INPP5K: variants seen among roughly 807,000 people sequenced by gnomAD.
INPP5K encodes the protein inositol polyphosphate 5-phosphatase K.
A neutral mutation model predicts 53.5 loss-of-function variants in INPP5K; 35 were observed. The ratio of observed to expected loss-of-function variants is 0.65; its 90% CI spans 0.50 to 0.87. The LOEUF (loss-of-function observed/expected upper bound fraction) is 0.87. INPP5K is among the 40% of genes least tolerant of loss of function. The pLI, the probability that INPP5K is intolerant of heterozygous loss-of-function variation, is 0.00. For missense variants in INPP5K, 550 were observed against 586.2 expected, an observed-to-expected ratio of 0.94 and a Z score of 0.64; for synonymous variants, 253 against 232.8, an observed-to-expected ratio of 1.09 and a Z score of -0.79.
rs199979856 is a variant in INPP5K at position 1,509,859 on chromosome 17, C to G, written c.262-60G>C. ...ACCACACAGGCCAAGTGCATCCCTTCCAAGCTCCGTGCTAGGGACTCTAGA... is the reference window on the plus strand; with the variant it reads ...ACCACACAGGCCAAGTGCATCCCTTGCAAGCTCCGTGCTAGGGACTCTAGA... On this transcript the variant is annotated intron_variant, in intron 3 of 11. Coordinates refer to ENST00000421807, the MANE Select transcript of INPP5K (RefSeq NM_016532.4). The G allele has an allele frequency of 2.3e-3, 2,279 of 1,009,572 alleles. 2 individuals carry two copies. Among genetic ancestry groups the G allele is most frequent in the Non-Finnish European group, 2.6e-3 (1,691 of 643,192 alleles). 62.5% of individuals were successfully genotyped at this position (1,009,572 alleles called of 1,614,324 possible). A position where few individuals can be genotyped will look rare whatever the true frequency, so the allele number is the denominator to read the frequency against.
In INPP5K at chr17:1,498,078, C is replaced by T; in HGVS notation, c.821G>A (p.Arg274Lys). 6.2e-7 allele frequency: 1 copy of T among 1,613,982 alleles called. No homozygotes were observed. The highest frequency in any genetic ancestry group is 8.5e-7 in the Non-Finnish European group (1 of 1,179,902). The change falls in exon 8 of 12, where the codon AGG (arginine) becomes AAG (lysine). Residue 274 changes from arginine to lysine, a missense_variant. Coordinates refer to ENST00000421807, the MANE Select transcript of INPP5K (RefSeq NM_016532.4). ...KPAWTDRILW[R>K]LKRQPCAGPD... The stretch of plus-strand genomic sequence containing the variant: ...GCCAGCACAGGGCTGCCGCTTCAGC[C>T]TCCACAGGATGCGATCGGTCCATGC...
At chr17:1,512,223 C>G (rs1160672740) in intron 3 of INPP5K, among the ~76,000 whole-genome samples, 1 of 152,182 alleles carries the variant, frequency 6.6e-6, no homozygotes, top group Non-Finnish European at 1.5e-5. Context: ...TTCCTTGGCT[C>G]AATTCCATCC....
chr17:1,516,504 G>A lies in INPP5K; in HGVS notation c.-5C>T, dbSNP rs746825414. 3.2e-6 allele frequency: 5 copies of A among 1,578,444 alleles called. No homozygotes were observed. In the African/African-American group the frequency reaches 5.5e-5, roughly 17 times the overall value. On this transcript the variant is annotated 5_prime_UTR_variant, in exon 1 of 12. Coordinates refer to ENST00000421807, the MANE Select transcript of INPP5K (RefSeq NM_016532.4). Reference sequence around the variant, plus strand: ...GCTCAGCTTCCGCGAGCTCATGGCCGCCGTCGTCCCCGCGCGGTGGTCCGG... The same window carrying A: ...GCTCAGCTTCCGCGAGCTCATGGCCACCGTCGTCCCCGCGCGGTGGTCCGG...
intron 1 of INPP5K, chr17:1,515,433 C>T: frequency 2.0e-6 from 2 of 985,528 alleles, no homozygotes; most frequent in Non-Finnish European, 2.4e-6. Context: ...CTACAGATGT[C>T]TTTAGTGGAA....
chr17:1,506,392 C>T (rs149835826), intron 7 of INPP5K, among the ~76,000 whole-genome samples: 308 of 152,320 alleles, frequency 2.0e-3, no homozygotes, highest in African/African-American at 7.1e-3. Flanking sequence ...TCCTTCAGTC[C>T]TCAGCCTCAT....
rs367903842 is a variant in INPP5K, at chr17:1,496,319, C to G, written c.1185G>C (p.Gln395His). The change falls in exon 10 of 12, where the codon CAG becomes CAC. Residue 395 changes from glutamine to histidine, a missense_variant and splice_region_variant. Physicochemically the swap from Gln to His is conservative, Grantham distance 24. Transcript: ENST00000421807. ...SKVSCSDNLN[Q>H]VYIDISNIPT... is the part of the protein sequence containing the mutation. ...GATGTACCTGGTGCTGGTGACGTAC[C>G]TGGTTCAGGTTGTCGCTGCAGGAGA... 7.7e-6 allele frequency: 12 copies of G among 1,559,642 alleles called. No individual in the cohort carries two copies. The African/African-American group carries it at 1.5e-4, about 19-fold the overall frequency.
rs762121451 is a variant in INPP5K, at chr17:1,496,729, C to A, written c.1038G>T (p.Met346Ile). 31 of 1,614,056 alleles carry A rather than the reference C, an allele frequency of 1.9e-5. No homozygotes were observed. The highest frequency in any genetic ancestry group is 3.4e-6 in the Non-Finnish European group (4 of 1,180,034). Residue 346 changes from methionine (M) to isoleucine (I), a missense_variant, in exon 9 of 12, where the codon ATG becomes ATT. Met to Ile is a conservative substitution (Grantham distance 10). Transcript: ENST00000421807. Reference protein sequence around the residue: ...EDLWTVENDMMVSYSSTSDFP... With the variant: ...EDLWTVENDMIVSYSSTSDFP... ...AGTCCGAGGTTGAAGAGTAGCTGAC[C>A]ATCATGTCATTTTCCACGGTCCACA...
intron 1 of INPP5K, chr17:1,516,003 C>A: frequency 1.0e-6 from 1 of 999,852 alleles, no homozygotes; most frequent in Non-Finnish European, 1.2e-6. Context: ...CGTTGTTCCC[C>A]GTGAAAGAGC....
At chr17:1,516,167 G>A in intron 1 of INPP5K, 1 of 1,209,812 alleles carries the variant, frequency 8.3e-7, no homozygotes, top group Non-Finnish European at 1.1e-6. Flanking sequence ...GAAGGGTGAC[G>A]GCCTCGTTAT....
At chr17:1,505,918 A>G (rs574316090) in intron 7 of INPP5K, among the ~76,000 whole-genome samples, 33 of 152,298 alleles carry the variant, frequency 2.2e-4, no homozygotes, top group African/African-American at 7.9e-4. Context: ...AGTCAGGGAC[A>G]TGTTGCCAGT....
At chr17:1,513,323 G>T (rs1331755118) in intron 3 of INPP5K, 130 bp downstream of exon 3, 3 of 815,596 alleles carry the variant, frequency 3.7e-6, no homozygotes, top group Non-Finnish European at 6.2e-6. Flanking sequence ...GGGAGGTTTA[G>T]CCCTTTAAAC....
chr17:1,515,462 C>G (rs1200072119), intron 1 of INPP5K: 11 of 985,450 alleles, frequency 1.1e-5, no homozygotes, highest in Non-Finnish European at 1.3e-5. Flanking sequence ...CACAGCAGCT[C>G]TTCAAGAAGC....
chr17:1,504,825 A>G (rs2075115951), intron 7 of INPP5K, among the ~76,000 whole-genome samples: 1 of 152,174 alleles, frequency 6.6e-6, no homozygotes, highest in South Asian at 2.1e-4. Flanking sequence ...TCACCGTGCC[A>G]TCCTTTTTCC....
At chr17:1,504,792 T>C (rs1440527843) in intron 7 of INPP5K, among the ~76,000 whole-genome samples, 1 of 152,198 alleles carries the variant, frequency 6.6e-6, no homozygotes, top group Admixed American at 6.5e-5. Context: ...GCGTGCCTCC[T>C]CCTTAGCGGG....
In INPP5K at chr17:1,496,071, T is replaced by C. The variant is rs766377375; in HGVS notation, c.1279A>G (p.Arg427Gly). 13 of 1,608,338 alleles carry C rather than the reference T, an allele frequency of 8.1e-6. No homozygotes were observed. Among genetic ancestry groups the C allele is most frequent in the Non-Finnish European group, 1.1e-5 (13 of 1,174,768 alleles). ...NSLRSVVGIS[R>G]PFQIPPGSLR... ...CCAGCACTGCTTACCTGGAAGGGTC[T>C]GCTTATCCCCACCACAGAACGCAGA... is the stretch of plus-strand genomic sequence containing the variant. The change falls in exon 11 of 12, where the codon AGA (arginine) becomes GGA (glycine). Residue 427 changes from arginine to glycine, a missense_variant. Transcript: ENST00000421807.
At chr17:1,514,059 C>CA in intron 1 of INPP5K, 80 bp from the exon 2 acceptor site, 1 of 916,344 alleles carries the variant, frequency 1.1e-6, no homozygotes. Flanking sequence ...CAGAGGCTCA[C>CA]ACGTTGTCAT....
At chr17:1,513,383 G>T in intron 3 of INPP5K, 70 bp downstream of exon 3, 1 of 1,169,158 alleles carries the variant, frequency 8.6e-7, no homozygotes, top group South Asian at 1.2e-5. Flanking sequence ...GAACACATCA[G>T]ACCCAACAAG....
intron 3 of INPP5K, chr17:1,510,634 C>T (rs952980223): frequency 5.3e-5 from 8 of 152,204 alleles, no homozygotes; most frequent in African/African-American, 1.4e-4. Context: ...CCATTCCTCC[C>T]TTTTTACTTA....
At chr17:1,511,424 C>T (rs755689725) in intron 3 of INPP5K, among the ~76,000 whole-genome samples, 5 of 152,222 alleles carry the variant, frequency 3.3e-5, no homozygotes, top group African/African-American at 4.8e-5. Context: ...CCCGAGGAGC[C>T]GTTTCCGGAG....
Sources: gnomAD v4.1 joint callset for allele counts (sites outside exome capture counted in the v4.1 genomes callset) on GRCh38, gnomAD v4.1.1 for gene constraint, MANE v1.5 for transcripts, NCBI Gene and HGNC (gene_info 2026-07-23, HGNC 2026-07-21) for gene names.